ASIC2: variants seen among roughly 807,000 people sequenced by gnomAD.
The protein encoded by ASIC2 is acid sensing ion channel subunit 2.
ASIC2 carries 25 observed loss-of-function variants against 57.3 expected under a neutral mutation model. The observed-to-expected ratio is 0.44, with a 90% confidence interval of 0.32 to 0.61. The LOEUF (loss-of-function observed/expected upper bound fraction) is 0.61. ASIC2 is among the 20% of genes least tolerant of loss of function. ASIC2 has a pLI of 0.06. For synonymous variants in ASIC2, 319 were observed against 307.5 expected, an observed-to-expected ratio of 1.04 and a Z score of -0.39; for missense variants, 641 against 738.1, an observed-to-expected ratio of 0.87 and a Z score of 1.52.
At chr17:34,112,035 CT>C (rs34742762) in intron 1 of ASIC2, among the ~76,000 whole-genome samples, 6 of 151,698 alleles carry the variant, frequency 4.0e-5, no homozygotes, top group African/African-American at 4.8e-5. Flanking sequence ...ATATAAAAGA[CT>C]TTTTTTTAAG....
chr17:33,629,495 T>C (rs1433812611), intron 1 of ASIC2, among the ~76,000 whole-genome samples: 1 of 152,164 alleles, frequency 6.6e-6, no homozygotes, highest in Non-Finnish European at 1.5e-5. Context: ...AGGGAGCTAG[T>C]GTTGACCAAG....
chr17:33,186,201 CCA>C (rs1318254278), intron 1 of ASIC2, among the ~76,000 whole-genome samples: 1 of 152,102 alleles, frequency 6.6e-6, no homozygotes, highest in African/African-American at 2.4e-5. Flanking sequence ...ACCTCCATCT[CCA>C]GAGTTCAAGT....
intron 1 of ASIC2, among the ~76,000 whole-genome samples, chr17:33,799,478 C>CTTT (rs1912062455): frequency 3.8e-5 from 5 of 129,928 alleles, no homozygotes; most frequent in African/African-American, 1.2e-4. Context: ...TTCTTTCTTT[C>CTTT]CTTCTTTCTT....
At chr17:33,169,440 G>T (rs56339345) in intron 1 of ASIC2, among the ~76,000 whole-genome samples, 8 of 152,350 alleles carry the variant, frequency 5.3e-5, no homozygotes, top group Non-Finnish European at 1.2e-4. Flanking sequence ...ATTTAGATGA[G>T]ACTGGTAAAC....
At chr17:33,464,528 C>CTCTT (rs1912775667) in intron 1 of ASIC2, among the ~76,000 whole-genome samples, 1 of 35,894 alleles carries the variant, frequency 2.8e-5, no homozygotes, top group African/African-American at 1.3e-4. Flanking sequence ...TTCTTTCTTT[C>CTCTT]TTTCTTTCTT....
chr17:33,350,552 C>T lies in ASIC2; in HGVS notation c.556-238485G>A, dbSNP rs536365723. 5.9e-5 allele frequency among the ~76,000 whole-genome samples: 9 copies of T among 151,976 alleles called. No homozygotes were observed. In the South Asian group the frequency reaches 8.3e-4, roughly 14 times the overall value. ...AAAATTAGCTGGGCGTCGTGGTGTG[C>T]GCACCTGTAGTCCCAGCTACTCAGG... On this transcript the variant is annotated intron_variant, in intron 1 of 9. Coordinates refer to the ASIC2 transcript ENST00000359872.
At chr17:33,729,217 G>C (rs1175910253) in intron 1 of ASIC2, among the ~76,000 whole-genome samples, 1 of 152,170 alleles carries the variant, frequency 6.6e-6, no homozygotes, top group Non-Finnish European at 1.5e-5. Context: ...AGAAGGAGAA[G>C]GGGGAGCAGA....
chr17:33,973,998 C>G (rs913898600), intron 1 of ASIC2, among the ~76,000 whole-genome samples: 3 of 152,210 alleles, frequency 2.0e-5, no homozygotes, highest in African/African-American at 7.2e-5. Flanking sequence ...TTTCCACCTT[C>G]TACTCTGTCC....
intron 1 of ASIC2, among the ~76,000 whole-genome samples, chr17:33,164,513 G>T (rs1428222487): frequency 1.3e-5 from 2 of 151,998 alleles, no homozygotes; most frequent in African/African-American, 4.8e-5. Context: ...AATGGAGGCG[G>T]CATTGGAGGG....
chr17:33,151,656 G>T (rs1419306028), intron 1 of ASIC2, among the ~76,000 whole-genome samples: 5 of 152,194 alleles, frequency 3.3e-5, no homozygotes, highest in Admixed American at 6.5e-5. Context: ...AGTTATCACG[G>T]AGGTGGGTTC....
intron 1 of ASIC2, among the ~76,000 whole-genome samples, chr17:33,522,842 TC>T (rs1259389983): frequency 3.3e-5 from 5 of 152,158 alleles, no homozygotes; most frequent in Non-Finnish European, 7.3e-5. Flanking sequence ...CCGTGTGGCA[TC>T]GCAATATCCC....
At chr17:34,038,870 A>C (rs1019257667) in intron 1 of ASIC2, 1 of 1,612,554 alleles carries the variant, frequency 6.2e-7, no homozygotes, top group Non-Finnish European at 8.5e-7. Flanking sequence ...TTGTCTTTCT[A>C]TCTCTTCCCT....
At chr17:33,441,571 G>A (rs1911823528) in intron 1 of ASIC2, among the ~76,000 whole-genome samples, 1 of 152,122 alleles carries the variant, frequency 6.6e-6, no homozygotes, top group Non-Finnish European at 1.5e-5. Flanking sequence ...ATGAACATTT[G>A]AGAAAACAGC....
At chr17:33,980,588 T>C (rs1302530940) in intron 1 of ASIC2, among the ~76,000 whole-genome samples, 2 of 152,176 alleles carry the variant, frequency 1.3e-5, no homozygotes, top group African/African-American at 2.4e-5. Context: ...GATGCTGTGA[T>C]GTGCTTCCCA....
intron 1 of ASIC2, chr17:33,533,339 GAAAGA>G (rs1319078331): frequency 1.4e-5 from 2 of 142,180 alleles, no homozygotes; most frequent in African/African-American, 5.1e-5. Flanking sequence ...AAGAAAGAAA[GAAAGA>G]AAGAAAAAAT....
In ASIC2 at chr17:33,917,816, A is replaced by G. The variant is rs547967992; in HGVS notation, c.555+238162T>C. 1.1e-4 allele frequency among the ~76,000 whole-genome samples: 16 copies of G among 152,108 alleles called. No homozygotes were observed. The East Asian group carries it at 3.1e-3, about 29-fold the overall frequency. Reference sequence around the variant, plus strand: ...ATGAATATTATATTTCTAGGGCCTTATGATCCAGTAGTTTAGCTTACCAGA... The same window carrying G: ...ATGAATATTATATTTCTAGGGCCTTGTGATCCAGTAGTTTAGCTTACCAGA... On this transcript the variant is annotated intron_variant, in intron 1 of 9. Transcript: ENST00000359872.
chr17:33,649,215 C>G (rs1318116248), intron 1 of ASIC2, among the ~76,000 whole-genome samples: 1 of 152,134 alleles, frequency 6.6e-6, no homozygotes, highest in African/African-American at 2.4e-5. Flanking sequence ...GGCAAGGTTG[C>G]AAGACAAGAT....
At chr17:33,075,392 A>G (rs2092085458) in intron 3 of ASIC2, among the ~76,000 whole-genome samples, 1 of 152,164 alleles carries the variant, frequency 6.6e-6, no homozygotes, top group Admixed American at 6.5e-5. Context: ...GAAATGGACT[A>G]ATACAGGTGG....
chr17:33,592,524 C>T (rs577772744), intron 1 of ASIC2, among the ~76,000 whole-genome samples: 1 of 152,354 alleles, frequency 6.6e-6, no homozygotes, highest in African/African-American at 2.4e-5. Context: ...TGATAACATC[C>T]ACTTGCATTC....
Sources: gnomAD v4.1 joint callset for allele counts (sites outside exome capture counted in the v4.1 genomes callset) on GRCh38, gnomAD v4.1.1 for gene constraint, MANE v1.5 for transcripts, NCBI Gene and HGNC (gene_info 2026-07-23, HGNC 2026-07-21) for gene names.